NBEA: variants seen among roughly 807,000 people sequenced by gnomAD.
NBEA encodes the protein neurobeachin.
In NBEA, 44 loss-of-function variants were observed where a neutral mutation model predicts 343.4. The observed-to-expected ratio is 0.13, with a 90% CI of 0.10 to 0.16. The LOEUF (loss-of-function observed/expected upper bound fraction) is 0.16. Ranked by LOEUF, NBEA falls within the 10% of genes least tolerant of loss-of-function variation. The pLI, the probability that NBEA is intolerant of heterozygous loss-of-function variation, is 1.00. For synonymous variants in NBEA, 1,175 were observed against 1,238.7 expected (o/e 0.95, Z 1.08); for missense variants, 2,555 against 3,631.3 (o/e 0.70, Z 7.62).
chr13:35,290,851 A>G (rs1428456724), intron 35 of NBEA, among the ~76,000 whole-genome samples: 1 of 151,592 alleles, frequency 6.6e-6, no homozygotes, highest in East Asian at 1.9e-4. Flanking sequence ...TCCATACCCA[A>G]AGTGTATGAT....
rs748152315 is a variant in NBEA at position 35,159,378 on chromosome 13, A to G, written c.3207A>G (p.Val1069=). ...CAGAGAAAGTGGAAGCAACAGAAGTAAAGCTCGATGATATGGATTTATCAC... is the reference window on the plus strand; with the variant it reads ...CAGAGAAAGTGGAAGCAACAGAAGTGAAGCTCGATGATATGGATTTATCAC... ...IKAEKVEATE[V]KLDDMDLSPE... Residue 1069 remains valine (V), a synonymous_variant, in exon 22 of 59, where the codon GTA becomes GTG. Coordinates refer to ENST00000379939, the MANE Select transcript of NBEA (RefSeq NM_001385012.1). The G allele has an allele frequency of 1.2e-6, 2 of 1,613,510 alleles. No homozygotes were observed. The highest frequency in any genetic ancestry group is 2.2e-5 in the South Asian group (2 of 91,066).
chr13:35,309,881 A>G (rs1366295459), intron 36 of NBEA, among the ~76,000 whole-genome samples: 3 of 152,164 alleles, frequency 2.0e-5, no homozygotes, highest in Non-Finnish European at 4.4e-5. Context: ...AGTGAACCCA[A>G]TCTGCAATCC....
At chr13:35,023,291 G>T (rs576530042) in intron 1 of NBEA, among the ~76,000 whole-genome samples, 58 of 152,176 alleles carry the variant, frequency 3.8e-4, no homozygotes, top group Non-Finnish European at 7.5e-4. Flanking sequence ...TTTATAAAGG[G>T]ACACTGTCAG....
intron 10 of NBEA, among the ~76,000 whole-genome samples, chr13:35,085,844 A>C (rs1490876085): frequency 6.6e-6 from 1 of 152,142 alleles, no homozygotes. Context: ...CCATCATCTC[A>C]GCCCAAAATC....
At chr13:35,506,738 T>C (rs2077086030) in intron 41 of NBEA, among the ~76,000 whole-genome samples, 1 of 152,206 alleles carries the variant, frequency 6.6e-6, no homozygotes, top group Admixed American at 6.5e-5. Flanking sequence ...TCACAAGTCA[T>C]AGAGCCAGTT....
rs2066856621 is a variant in NBEA at position 35,122,480 on chromosome 13, A to G, written c.2244-1002A>G. Among the ~76,000 whole-genome samples the G allele has an allele frequency of 2.6e-5, 4 of 151,064 alleles. No individual in the cohort carries two copies. The South Asian group carries it at 8.4e-4, about 32-fold the overall frequency. On this transcript the variant is annotated intron_variant, in intron 16 of 58. Transcript: ENST00000379939. ...CAAACTACCGCTAGGACAAAAAACCAAATACCACATGTTCTCACTCATAGG... is the reference window on the plus strand; with the variant it reads ...CAAACTACCGCTAGGACAAAAAACCGAATACCACATGTTCTCACTCATAGG...
intron 38 of NBEA, among the ~76,000 whole-genome samples, chr13:35,360,945 A>G (rs917219537): frequency 6.6e-6 from 1 of 152,024 alleles, no homozygotes; most frequent in African/African-American, 2.4e-5. Context: ...TTACAGAAAA[A>G]ATGGTTGAAA....
chr13:35,206,268 T>C (rs181272007), intron 31 of NBEA, among the ~76,000 whole-genome samples: 28 of 152,278 alleles, frequency 1.8e-4, no homozygotes, highest in Non-Finnish European at 3.4e-4. Context: ...TGCTCAAAGT[T>C]AGTAATGATC....
At chr13:35,460,821 A>T (rs950359465) in intron 40 of NBEA, among the ~76,000 whole-genome samples, 2 of 152,228 alleles carry the variant, frequency 1.3e-5, no homozygotes, top group Admixed American at 1.3e-4. Context: ...TGGACAACTT[A>T]TAAGAAAAGA....
At chr13:35,085,483 C>T (rs973879678) in intron 10 of NBEA, among the ~76,000 whole-genome samples, 20 of 152,166 alleles carry the variant, frequency 1.3e-4, no homozygotes, top group East Asian at 3.9e-4. Context: ...TGACAAAAAC[C>T]GCATGATTAT....
intron 1 of NBEA, among the ~76,000 whole-genome samples, chr13:34,977,130 A>G (rs1938958926): frequency 6.6e-6 from 1 of 151,268 alleles, no homozygotes; most frequent in Non-Finnish European, 1.5e-5. Context: ...AGTAGAGATG[A>G]TATTTCTTCT....
chr13:35,060,549 G>A (rs1250216511), intron 8 of NBEA, among the ~76,000 whole-genome samples: 1 of 151,740 alleles, frequency 6.6e-6, no homozygotes, highest in Non-Finnish European at 1.5e-5. Context: ...CATTACATCA[G>A]AGAGTATTTT....
At chr13:35,002,896 T>C (rs1327232793) in intron 1 of NBEA, among the ~76,000 whole-genome samples, 1 of 152,144 alleles carries the variant, frequency 6.6e-6, no homozygotes, top group Non-Finnish European at 1.5e-5. Flanking sequence ...CAGGTGAATA[T>C]GGCGGATGAG....
At chr13:35,591,511 T>C (rs1050736888) in intron 46 of NBEA, among the ~76,000 whole-genome samples, 1 of 152,140 alleles carries the variant, frequency 6.6e-6, no homozygotes, top group Non-Finnish European at 1.5e-5. Context: ...TGGATGCATA[T>C]CTGATTTTCA....
At chr13:35,356,525 C>T (rs1197849) in intron 38 of NBEA, among the ~76,000 whole-genome samples, 31,575 of 152,038 alleles carry the variant, frequency 0.21, 4,100 homozygotes, top group African/African-American at 0.37. Flanking sequence ...TTTTCCATTG[C>T]TAATCCAATG....
chr13:35,056,155 TTTTAA>T, intron 7 of NBEA, 26 bp downstream of exon 7: 1 of 1,557,554 alleles, frequency 6.4e-7, no homozygotes, highest in Non-Finnish European at 8.7e-7. Context: ...TCTGTCTGTG[TTTTAA>T]TTTGTTTGGG....
intron 1 of NBEA, among the ~76,000 whole-genome samples, chr13:34,968,679 G>A (rs1280601600): frequency 6.6e-6 from 1 of 152,068 alleles, no homozygotes; most frequent in African/African-American, 2.4e-5. Flanking sequence ...AGAAAAATGT[G>A]AAAAACTGCT....
intron 36 of NBEA, among the ~76,000 whole-genome samples, chr13:35,331,302 T>C (rs1346081800): frequency 6.6e-6 from 1 of 151,804 alleles, no homozygotes; most frequent in Non-Finnish European, 1.5e-5. Flanking sequence ...TAAATCAGGA[T>C]CTTAAAATCT....
intron 38 of NBEA, among the ~76,000 whole-genome samples, chr13:35,418,404 A>G (rs1432648100): frequency 6.6e-6 from 1 of 152,092 alleles, no homozygotes; most frequent in African/African-American, 2.4e-5. Context: ...GTTTAGCTAA[A>G]TAAACAGAAG....
Sources: allele counts gnomAD v4.1 joint callset (sites outside exome capture counted in the v4.1 genomes callset), GRCh38; gene constraint gnomAD v4.1.1; transcripts MANE v1.5; gene names NCBI Gene and HGNC (gene_info 2026-07-23, HGNC 2026-07-21).